The following COL23A1 variants were observed in gnomAD, a reference collection of about 807,000 sequenced individuals.
COL23A1 encodes collagen alpha-1(XXIII) chain.
COL23A1 carries 97 observed loss-of-function variants against 99.3 expected under a neutral mutation model. That is an observed-to-expected ratio of 0.98 (90% CI 0.83 to 1.16). The LOEUF is 1.16. Ranked by LOEUF, COL23A1 falls within the 50% of genes most tolerant of loss-of-function variation. The pLI, the probability that COL23A1 is intolerant of heterozygous loss-of-function variation, is 0.00. For synonymous variants in COL23A1, 320 were observed against 308.2 expected (o/e 1.04, Z -0.40); for missense variants, 762 against 757.4 (o/e 1.01, Z -0.07).
At chr5:178,335,428 G>A (rs141997873) in intron 2 of COL23A1, among the ~76,000 whole-genome samples, 90 of 152,268 alleles carry the variant, frequency 5.9e-4, no homozygotes, top group African/African-American at 1.9e-3. Flanking sequence ...CCCCTGCGCC[G>A]GGAGAAGGAA....
rs188683234 is a variant in COL23A1 at position 178,245,422 on chromosome 5, C to T, written c.1440+520G>A. On this transcript the variant is annotated intron_variant, in intron 25 of 28. Coordinates refer to ENST00000390654, the MANE Select transcript of COL23A1 (RefSeq NM_173465.4). ...GAATGGATGGATGAGTCCATTCAAT[C>T]CTCCATCCATTCATCCATCATTCTT... Among the ~76,000 whole-genome samples, 583 of 150,978 alleles carry T rather than the reference C, an allele frequency of 3.9e-3. 3 individuals carry two copies. Among genetic ancestry groups the T allele is most frequent in the Non-Finnish European group, 6.1e-3 (411 of 67,734 alleles).
chr5:178,392,715 C>A (rs1764031892), intron 2 of COL23A1, among the ~76,000 whole-genome samples: 1 of 152,320 alleles, frequency 6.6e-6, no homozygotes, highest in South Asian at 2.1e-4. Flanking sequence ...CAGCTTTTCA[C>A]CACTTGCAAA....
rs1026548252 is a variant in COL23A1, at chr5:178,560,685, G to C, written c.358C>G (p.Pro120Ala). The C allele has an allele frequency of 6.2e-7, 1 of 1,612,792 alleles. No homozygotes were observed. Among genetic ancestry groups the C allele is most frequent in the Admixed American group, 1.7e-5 (1 of 59,840 alleles). The change falls in exon 2 of 29, where the codon CCA (proline) becomes GCA (alanine). Residue 120 changes from proline (P) to alanine (A), a missense_variant. Pro to Ala is a conservative substitution (Grantham distance 27). Transcript: ENST00000390654. ...REAPSECVCP[P>A]GPPGRRGKPG... ...AGGGAGCTCAACCTTCACTTACCTGGGGGGCAGACACATTCGGATGGAGCT... is the reference window on the plus strand; with the variant it reads ...AGGGAGCTCAACCTTCACTTACCTGCGGGGCAGACACATTCGGATGGAGCT...
intron 2 of COL23A1, among the ~76,000 whole-genome samples, chr5:178,476,893 ACTT>A (rs1293015396): frequency 6.6e-6 from 1 of 152,212 alleles, no homozygotes; most frequent in Admixed American, 6.5e-5. Context: ...GACTTAAACT[ACTT>A]CTCTGAGATT....
intron 1 of COL23A1, among the ~76,000 whole-genome samples, chr5:178,570,260 C>T (rs571520769): frequency 2.0e-5 from 3 of 152,042 alleles, no homozygotes; most frequent in Non-Finnish European, 4.4e-5. Context: ...CTACAGGTGC[C>T]GCCAAGTCAG....
rs180737678 is a variant in COL23A1 at position 178,531,631 on chromosome 5, C to T, written c.361+29051G>A. Among the ~76,000 whole-genome samples, 818 of 152,352 alleles carry T rather than the reference C, an allele frequency of 5.4e-3. 35 individuals are homozygous for T. Among genetic ancestry groups the T allele is most frequent in the Admixed American group, 0.047 (722 of 15,306 alleles). On this transcript the variant is annotated intron_variant, in intron 2 of 28. Coordinates refer to ENST00000390654, the MANE Select transcript of COL23A1 (RefSeq NM_173465.4). Reference sequence around the variant, plus strand: ...TCTCGGCAGCCAAATGCAAGCCCAACGGATAGGATGGCTTTCAGACTGCAC... The same window carrying T: ...TCTCGGCAGCCAAATGCAAGCCCAATGGATAGGATGGCTTTCAGACTGCAC...
chr5:178,252,356 C>T (rs887599911), intron 17 of COL23A1, among the ~76,000 whole-genome samples, 188 bp downstream of exon 17: 1 of 152,230 alleles, frequency 6.6e-6, no homozygotes, highest in African/African-American at 2.4e-5. Context: ...CCAGGGAAAT[C>T]TCCCAGAGTA....
At chr5:178,431,672 T>C (rs374265075) in intron 2 of COL23A1, among the ~76,000 whole-genome samples, 10 of 152,220 alleles carry the variant, frequency 6.6e-5, no homozygotes, top group East Asian at 1.9e-4. Flanking sequence ...GATTCTCCCC[T>C]GGAGCCTCCA....
intron 3 of COL23A1, among the ~76,000 whole-genome samples, chr5:178,301,135 C>T (rs1758010580): frequency 6.6e-6 from 1 of 151,994 alleles, no homozygotes. Context: ...CCTTCTGTTC[C>T]TTAGGCTGGA....
In COL23A1 at chr5:178,249,716, A is replaced by ACTCACTCTCTCTCT. The variant is rs1554125190; in HGVS notation, c.1059+344_1059+345insAGAGAGAGAGTGAG. On this transcript the variant is annotated intron_variant, in intron 18 of 28. Transcript: ENST00000390654. ...CACACACACACACACACACACACAC[A>ACTCACTCTCTCTCT]CTCTCTCTCTCTCTCTCTCTCTCTC... is the stretch of plus-strand genomic sequence containing the variant. 4.0e-3 allele frequency among the ~76,000 whole-genome samples: 375 copies of ACTCACTCTCTCTCT among 92,772 alleles called. 2 individuals are homozygous for ACTCACTCTCTCTCT. The highest frequency in any genetic ancestry group is 0.016 in the East Asian group (38 of 2,398). The allele number at this position is 92,772 out of a possible 152,430, so 60.9% of individuals were successfully genotyped here.
intron 22 of COL23A1, among the ~76,000 whole-genome samples, chr5:178,247,292 C>T (rs1764753659): frequency 6.6e-6 from 1 of 151,978 alleles, no homozygotes; most frequent in African/African-American, 2.4e-5. Flanking sequence ...AGACTGGGGT[C>T]CCGGGCAGAG....
At chr5:178,516,906 G>A (rs1281612214) in intron 2 of COL23A1, among the ~76,000 whole-genome samples, 1 of 152,238 alleles carries the variant, frequency 6.6e-6, no homozygotes, top group Non-Finnish European at 1.5e-5. Flanking sequence ...TGTGCGACCA[G>A]TAGCTGGTGG....
At chr5:178,362,175 G>A (rs1274004279) in intron 2 of COL23A1, among the ~76,000 whole-genome samples, 1 of 152,196 alleles carries the variant, frequency 6.6e-6, no homozygotes, top group Non-Finnish European at 1.5e-5. Context: ...GGTGTGCAGA[G>A]CGGCTCCTCC....
rs183830965 is a variant in COL23A1, at chr5:178,343,814, C to T, written c.362-36895G>A. On this transcript the variant is annotated intron_variant, in intron 2 of 28. Coordinates refer to ENST00000390654, the MANE Select transcript of COL23A1 (RefSeq NM_173465.4). ...AGTAGCTGGGACTACAGGTGCACGC[C>T]ACCACGGCCCACTAATTTTTATATT... is the stretch of plus-strand genomic sequence containing the variant. 3.0e-3 allele frequency among the ~76,000 whole-genome samples: 462 copies of T among 152,114 alleles called. 2 individuals are homozygous for T. Among genetic ancestry groups the T allele is most frequent in the Admixed American group, 5.8e-3 (88 of 15,290 alleles).
chr5:178,269,470 T>C (rs1405112418), intron 6 of COL23A1, among the ~76,000 whole-genome samples: 2 of 81,976 alleles, frequency 2.4e-5, no homozygotes, highest in Non-Finnish European at 4.6e-5. Context: ...CATCCACCCA[T>C]CCACCCACCC....
chr5:178,524,040 C>T (rs906274177), intron 2 of COL23A1, among the ~76,000 whole-genome samples: 12 of 152,190 alleles, frequency 7.9e-5, no homozygotes, highest in African/African-American at 2.7e-4. Context: ...CTGTGTCATA[C>T]GGGAGGGTCT....
Position 178,439,363 on chromosome 5 carries a change from C to T in COL23A1, c.361+121319G>A, listed in dbSNP as rs1766737877. 1.3e-5 allele frequency: 2 copies of T among 152,276 alleles called. No individual in the cohort carries two copies. The highest frequency in any genetic ancestry group is 2.9e-5 in the Non-Finnish European group (2 of 68,124). The allele number at this position is 152,276 out of a possible 1,614,324, so 9.4% of individuals were successfully genotyped here. On this transcript the variant is annotated intron_variant, in intron 2 of 28. Coordinates refer to ENST00000390654, the MANE Select transcript of COL23A1 (RefSeq NM_173465.4). The surrounding 1 kb of genome is among the most constrained non-coding windows in gnomAD (Gnocchi z 4.2). ...GCCAGTTACCAAAGTCTCTGTGGCT[C>T]CTGCTCCTTCCATGCCAGACCCTGT...
intron 1 of COL23A1, among the ~76,000 whole-genome samples, chr5:178,583,118 G>C (rs1763746303): frequency 6.6e-6 from 1 of 152,216 alleles, no homozygotes; most frequent in Non-Finnish European, 1.5e-5. Flanking sequence ...TTTAGGATTT[G>C]AAGTAACTTG....
intron 1 of COL23A1, among the ~76,000 whole-genome samples, chr5:178,562,395 A>T (rs1335232270): frequency 6.6e-6 from 1 of 151,344 alleles, no homozygotes; most frequent in East Asian, 2.0e-4. Context: ...TCCACTAAAA[A>T]TACAAAAAAT....
Sources: gnomAD v4.1 joint callset for allele counts (sites outside exome capture counted in the v4.1 genomes callset) on GRCh38, gnomAD v4.1.1 for gene constraint, Gnocchi (gnomAD v3.1) non-coding constraint, MANE v1.5 for transcripts, NCBI Gene and HGNC (gene_info 2026-07-23, HGNC 2026-07-21) for gene names.